MSRA: variants seen among roughly 807,000 people sequenced by gnomAD.
The protein encoded by MSRA is methionine sulfoxide reductase A.
A neutral mutation model predicts 31.3 loss-of-function variants in MSRA; 54 were observed. The ratio of observed to expected loss-of-function variants is 1.73; its 90% CI spans 1.39 to 2.17. MSRA has a LOEUF of 2.17. Among genes scored for constraint, MSRA ranks in the 30% most tolerant of loss-of-function variants. The pLI is 0.00. For missense variants in MSRA, 507 were observed against 300.9 expected (o/e 1.69, Z -5.07); for synonymous variants, 169 against 116.5 (o/e 1.45, Z -2.90).
At chr8:10,236,909 AGACTT>A (rs1811992471) in intron 2 of MSRA, among the ~76,000 whole-genome samples, 1 of 152,216 alleles carries the variant, frequency 6.6e-6, no homozygotes, top group African/African-American at 2.4e-5. Context: ...ACATCCAAGA[AGACTT>A]GAATAAGTGG....
chr8:10,190,964 G>A (rs1416615632), intron 1 of MSRA, among the ~76,000 whole-genome samples: 1 of 152,168 alleles, frequency 6.6e-6, no homozygotes, highest in Non-Finnish European at 1.5e-5. Flanking sequence ...ATGACTGGTC[G>A]ATCAGCTTCA....
chr8:10,195,051 T>A (rs955739063), intron 1 of MSRA, among the ~76,000 whole-genome samples: 10 of 152,252 alleles, frequency 6.6e-5, no homozygotes, highest in African/African-American at 1.9e-4. Flanking sequence ...TAGTTTCATA[T>A]CTGTAACTAT....
rs6601421 is a variant in MSRA at position 10,223,502 on chromosome 8, C to T, written c.211+15601C>T. Reference sequence around the variant, plus strand: ...AATGTCAGATATTGGTTATCGGCCACATTTGGGCTTCAGTCAGTGAATTTG... The same window carrying T: ...AATGTCAGATATTGGTTATCGGCCATATTTGGGCTTCAGTCAGTGAATTTG... On this transcript the variant is annotated intron_variant, in intron 2 of 5. Coordinates refer to ENST00000317173, the MANE Select transcript of MSRA (RefSeq NM_012331.5). Among the ~76,000 whole-genome samples, 76 of 152,290 alleles carry T rather than the reference C, an allele frequency of 5.0e-4. 2 individuals are homozygous for T. Among genetic ancestry groups the T allele is most frequent in the African/African-American group, 1.7e-3 (72 of 41,534 alleles).
At chr8:10,246,273 T>C (rs2129083237) in intron 3 of MSRA, among the ~76,000 whole-genome samples, 1 of 152,370 alleles carries the variant, frequency 6.6e-6, no homozygotes, top group Admixed American at 6.5e-5. Flanking sequence ...TTTGCTGACC[T>C]CTATTCTAGG....
intron 1 of MSRA, among the ~76,000 whole-genome samples, chr8:10,182,294 T>G (rs764757276): frequency 2.0e-5 from 3 of 152,212 alleles, no homozygotes; most frequent in Non-Finnish European, 4.4e-5. Flanking sequence ...GCCAAGAGTA[T>G]AAACTAAACT....
At position 10,271,316 on chromosome 8, in the gene MSRA, C is replaced by G. The variant is rs553472103; in HGVS notation, c.331+26093C>G. Reference sequence around the variant, plus strand: ...AGGCAAACCCAGAATTTGGGATACACTAAGGACAGCTGATGTGGCTTCTTA... The same window carrying G: ...AGGCAAACCCAGAATTTGGGATACAGTAAGGACAGCTGATGTGGCTTCTTA... On this transcript the variant is annotated intron_variant, in intron 3 of 5. Transcript: ENST00000317173. Among the ~76,000 whole-genome samples the G allele has an allele frequency of 3.3e-3, 500 of 152,196 alleles. 3 individuals are homozygous for G. Among genetic ancestry groups the G allele is most frequent in the African/African-American group, 0.012 (478 of 41,512 alleles).
intron 3 of MSRA, among the ~76,000 whole-genome samples, chr8:10,280,066 G>A (rs974515481): frequency 6.6e-5 from 10 of 152,244 alleles, no homozygotes; most frequent in Non-Finnish European, 1.3e-4. Context: ...CCAACTTTGG[G>A]AAGTTATATT....
intron 2 of MSRA, among the ~76,000 whole-genome samples, chr8:10,230,324 C>T (rs890604911): frequency 7.9e-5 from 12 of 152,102 alleles, no homozygotes; most frequent in Admixed American, 2.0e-4. Context: ...AAGGTTATAC[C>T]GGAAATGGCA....
chr8:10,291,369 T>G (rs1800225778), intron 3 of MSRA, among the ~76,000 whole-genome samples: 1 of 152,088 alleles, frequency 6.6e-6, no homozygotes, highest in Admixed American at 6.5e-5. Context: ...GGATGCTTTT[T>G]AAAGCTTATG....
At chr8:10,308,537 T>C in intron 4 of MSRA, among the ~76,000 whole-genome samples, 1 of 152,350 alleles carries the variant, frequency 6.6e-6, no homozygotes, top group East Asian at 1.9e-4. Flanking sequence ...TGGCCCCCTC[T>C]GGCTTAAAGC....
intron 5 of MSRA, among the ~76,000 whole-genome samples, chr8:10,364,380 G>C (rs537723381): frequency 2.0e-5 from 3 of 152,316 alleles, no homozygotes; most frequent in Admixed American, 1.3e-4. Flanking sequence ...ATTGGGAGAT[G>C]CTGTTGTGTC....
intron 4 of MSRA, among the ~76,000 whole-genome samples, chr8:10,304,470 C>A (rs1040350521): frequency 6.6e-6 from 1 of 152,218 alleles, no homozygotes; most frequent in African/African-American, 2.4e-5. Flanking sequence ...CAAACAATAA[C>A]CAACCCTTAA....
At chr8:10,210,881 G>A (rs1809423411) in intron 2 of MSRA, among the ~76,000 whole-genome samples, 2 of 151,640 alleles carry the variant, frequency 1.3e-5, no homozygotes, top group African/African-American at 4.8e-5. Context: ...TTACAGGTGT[G>A]CATCACCACG....
chr8:10,173,835 A>G (rs974061706), intron 1 of MSRA, among the ~76,000 whole-genome samples: 1 of 152,120 alleles, frequency 6.6e-6, no homozygotes, highest in African/African-American at 2.4e-5. Context: ...CTACATTAAC[A>G]TTTAATTCAC....
rs1428762871 is a variant in MSRA, at chr8:10,343,871, C to T, written c.543+23882C>T. On this transcript the variant is annotated intron_variant, in intron 5 of 5. Coordinates refer to ENST00000317173, the MANE Select transcript of MSRA (RefSeq NM_012331.5). Reference sequence around the variant, plus strand: ...CAAACAAAGAAAATAATCAGCACTCCGTATGCTACCTCAGATCCTGTTCAG... The same window carrying T: ...CAAACAAAGAAAATAATCAGCACTCTGTATGCTACCTCAGATCCTGTTCAG... Among the ~76,000 whole-genome samples, 4 of 152,134 alleles carry T rather than the reference C, an allele frequency of 2.6e-5. No individual in the cohort carries two copies. The South Asian group carries it at 6.2e-4, about 24-fold the overall frequency.
chr8:10,244,226 C>G (rs2952230), intron 2 of MSRA, among the ~76,000 whole-genome samples: 6 of 152,090 alleles, frequency 3.9e-5, no homozygotes, highest in African/African-American at 7.2e-5. Flanking sequence ...TTTTTTACAT[C>G]TAGAAGTGGG....
chr8:10,220,702 C>G (rs1810411325), intron 2 of MSRA, among the ~76,000 whole-genome samples: 1 of 152,204 alleles, frequency 6.6e-6, no homozygotes, highest in Admixed American at 6.5e-5. Context: ...GTCCATCTTT[C>G]TTCCAGCACC....
chr8:10,109,221 G>C (rs988619837), intron 1 of MSRA, among the ~76,000 whole-genome samples: 7 of 152,106 alleles, frequency 4.6e-5, no homozygotes, highest in African/African-American at 1.4e-4. Context: ...GACATCATAT[G>C]CTAAATCTGT....
chr8:10,321,040 A>G (rs1802018389), intron 5 of MSRA, among the ~76,000 whole-genome samples: 1 of 152,198 alleles, frequency 6.6e-6, no homozygotes, highest in African/African-American at 2.4e-5. Flanking sequence ...ACACTTTCTC[A>G]TAACAGTAAA....
Sources: allele counts gnomAD v4.1 joint callset (sites outside exome capture counted in the v4.1 genomes callset), GRCh38; gene constraint gnomAD v4.1.1; transcripts MANE v1.5; gene names NCBI Gene and HGNC (gene_info 2026-07-23, HGNC 2026-07-21).